The following RBP2 variants were observed in gnomAD, a reference collection of about 807,000 sequenced individuals.
RBP2 encodes retinol-binding protein 2.
RBP2 carries 17 observed loss-of-function variants against 17.0 expected under a neutral mutation model. That is an observed-to-expected ratio of 1.00 (90% CI 0.68 to 1.50). The LOEUF is 1.50. Among genes scored for constraint, RBP2 ranks in the 40% most tolerant of loss-of-function variants. The pLI, the probability that RBP2 is intolerant of heterozygous loss-of-function variation, is 0.00. For synonymous variants in RBP2, 48 were observed against 57.1 expected (o/e 0.84, Z 0.72); for missense variants, 158 against 168.2 (o/e 0.94, Z 0.33).
chr3:139,458,662 C>A (rs1181287995), intron 2 of RBP2, among the ~76,000 whole-genome samples: 4 of 152,178 alleles, frequency 2.6e-5, no homozygotes, highest in African/African-American at 9.7e-5. Flanking sequence ...CTTTCTCTCT[C>A]TATGAATTTG....
rs572204438 is a variant in RBP2 at position 139,470,624 on chromosome 3, C to T, written c.73+5763G>A. Among the ~76,000 whole-genome samples the T allele has an allele frequency of 1.5e-4, 23 of 152,004 alleles. 1 individual carries two copies. The South Asian group carries it at 3.5e-3, about 23-fold the overall frequency. ...TCCCTGACCACACCCCCAACCCCTC[C>T]GGCTCACACACTTTCAACTCCCAAC... On this transcript the variant is annotated intron_variant, in intron 1 of 3. Transcript: ENST00000232217.
At chr3:139,472,758 C>T (rs778169028) in intron 1 of RBP2, among the ~76,000 whole-genome samples, 10 of 152,172 alleles carry the variant, frequency 6.6e-5, no homozygotes, top group East Asian at 1.9e-4. Context: ...AATTAAATGA[C>T]GTGGTTGTTC....
At chr3:139,476,335 C>A (rs2233815) in intron 1 of RBP2, 52 bp downstream of exon 1, 2 of 1,525,356 alleles carry the variant, frequency 1.3e-6, no homozygotes. Context: ...GAGGGCCAGA[C>A]CACAGTACTC....
At chr3:139,461,454 A>T (rs1192243661) in intron 2 of RBP2, among the ~76,000 whole-genome samples, 1 of 152,176 alleles carries the variant, frequency 6.6e-6, no homozygotes, top group Non-Finnish European at 1.5e-5. Flanking sequence ...GGTTAAGGCA[A>T]TGCTAGGACA....
intron 2 of RBP2, among the ~76,000 whole-genome samples, chr3:139,458,269 G>A (rs990453149): frequency 1.3e-5 from 2 of 151,786 alleles, no homozygotes; most frequent in African/African-American, 2.4e-5. Context: ...CCTCCTTAGC[G>A]CACTTGCCCT....
intron 3 of RBP2, among the ~76,000 whole-genome samples, chr3:139,453,478 G>T (rs563123621): frequency 1.3e-5 from 2 of 152,374 alleles, no homozygotes; most frequent in African/African-American, 4.8e-5. Context: ...GCGAAGCCAT[G>T]AGGAAGGAAA....
At chr3:139,463,849 T>TA (rs534125479) in intron 1 of RBP2, among the ~76,000 whole-genome samples, 24 of 152,224 alleles carry the variant, frequency 1.6e-4, no homozygotes, top group Non-Finnish European at 2.8e-4. Context: ...GAGAAGGTTT[T>TA]AAAAAACCTA....
chr3:139,461,722 G>T (rs1933197316), intron 2 of RBP2, among the ~76,000 whole-genome samples: 1 of 152,096 alleles, frequency 6.6e-6, no homozygotes, highest in Non-Finnish European at 1.5e-5. Context: ...GCATCTTCAG[G>T]CTTCGCTCCT....
chr3:139,475,113 A>T (rs1256910230), intron 1 of RBP2, among the ~76,000 whole-genome samples: 2 of 151,960 alleles, frequency 1.3e-5, no homozygotes, highest in Admixed American at 1.3e-4. Context: ...CAAGGTCAGG[A>T]GATTGAGACC....
intron 1 of RBP2, among the ~76,000 whole-genome samples, chr3:139,475,512 G>A (rs528022219): frequency 6.6e-6 from 1 of 152,088 alleles, no homozygotes; most frequent in East Asian, 1.9e-4. Context: ...TTATTATTGG[G>A]CCTCTAACTC....
chr3:139,470,230 A>G (rs1448649584), intron 1 of RBP2, among the ~76,000 whole-genome samples: 1 of 152,160 alleles, frequency 6.6e-6, no homozygotes, highest in African/African-American at 2.4e-5. Context: ...ATTTCAGGCA[A>G]TGGGATTGTC....
intron 2 of RBP2, among the ~76,000 whole-genome samples, chr3:139,457,411 G>C (rs1313315280): frequency 6.6e-6 from 1 of 152,190 alleles, no homozygotes; most frequent in Non-Finnish European, 1.5e-5. Flanking sequence ...CTGGCATGTA[G>C]TAGGGGCTTA....
At chr3:139,472,360 A>G (rs1311693539) in intron 1 of RBP2, among the ~76,000 whole-genome samples, 1 of 152,224 alleles carries the variant, frequency 6.6e-6, no homozygotes, top group Non-Finnish European at 1.5e-5. Flanking sequence ...CAACCTTGAC[A>G]TTCATCCCAC....
At chr3:139,462,318 A>C (rs763135695) in intron 1 of RBP2, 28 bp from the exon 2 acceptor site, 1 of 1,611,192 alleles carries the variant, frequency 6.2e-7, no homozygotes, top group South Asian at 1.1e-5. Flanking sequence ...TGTGGAGGTT[A>C]TGATGTGCTC....
chr3:139,473,124 A>G (rs1162333914), intron 1 of RBP2, among the ~76,000 whole-genome samples: 1 of 152,226 alleles, frequency 6.6e-6, no homozygotes, highest in Admixed American at 6.5e-5. Flanking sequence ...CCTCAGGGCA[A>G]AAGAGTTCAC....
intron 2 of RBP2, 38 bp downstream of exon 2, chr3:139,462,074 A>C: frequency 6.3e-7 from 1 of 1,578,362 alleles, no homozygotes; most frequent in South Asian, 1.1e-5. Context: ...CCCCTGGCAC[A>C]GAATGTGTGA....
intron 2 of RBP2, among the ~76,000 whole-genome samples, chr3:139,457,515 C>G (rs1189022393): frequency 6.6e-6 from 1 of 152,060 alleles, no homozygotes; most frequent in Non-Finnish European, 1.5e-5. Flanking sequence ...TACTGGACAG[C>G]AAGATTAAAA....
intron 1 of RBP2, among the ~76,000 whole-genome samples, chr3:139,463,473 A>C (rs916551473): frequency 2.0e-4 from 31 of 152,250 alleles, no homozygotes; most frequent in African/African-American, 7.0e-4. Context: ...GGCATGAGCC[A>C]CTGTGCCCGG....
At chr3:139,476,284 A>G in intron 1 of RBP2, 103 bp downstream of exon 1, 1 of 882,440 alleles carries the variant, frequency 1.1e-6, no homozygotes, top group Non-Finnish European at 1.8e-6. Context: ...AGGCATGAGG[A>G]TTTGCCACAG....
Sources: gnomAD v4.1 joint callset for allele counts (sites outside exome capture counted in the v4.1 genomes callset) on GRCh38, gnomAD v4.1.1 for gene constraint, MANE v1.5 for transcripts, NCBI Gene and HGNC (gene_info 2026-07-23, HGNC 2026-07-21) for gene names.